PIEZO2: variants seen among roughly 807,000 people sequenced by gnomAD.
The protein encoded by PIEZO2 is piezo-type mechanosensitive ion channel component 2.
Under a neutral mutation model 337.3 loss-of-function variants are expected in PIEZO2, and 172 were observed. The observed-to-expected ratio is 0.51, with a 90% CI of 0.45 to 0.58. PIEZO2 has a LOEUF of 0.58. Among genes scored for constraint, PIEZO2 ranks in the 20% least tolerant of loss-of-function variants. The pLI is 0.00. For synonymous variants in PIEZO2, 1,251 were observed against 1,228.5 expected (o/e 1.02, Z -0.38); for missense variants, 3,028 against 3,391.3 (o/e 0.89, Z 2.66).
rs141859807 is a variant in PIEZO2, at chr18:10,688,103, A to G, written c.7497+1552T>C. Reference sequence around the variant, plus strand: ...TGCTGCACCTATCAATGCATCATCTAGGTTTTAAGCCCCCCATGCGTTAGG... The same window carrying G: ...TGCTGCACCTATCAATGCATCATCTGGGTTTTAAGCCCCCCATGCGTTAGG... On this transcript the variant is annotated intron_variant, in intron 49 of 55. Transcript: ENST00000674853. Among the ~76,000 whole-genome samples, 1,137 of 152,228 alleles carry G rather than the reference A, an allele frequency of 7.5e-3. 14 individuals carry two copies. Among genetic ancestry groups the G allele is most frequent in the African/African-American group, 0.026 (1,074 of 41,518 alleles).
At chr18:10,807,799 G>T (rs1426491622) in intron 7 of PIEZO2, among the ~76,000 whole-genome samples, 1 of 152,094 alleles carries the variant, frequency 6.6e-6, no homozygotes, top group Non-Finnish European at 1.5e-5. Context: ...ATTTCTGTAA[G>T]ATATATTTCT....
Position 10,819,939 on chromosome 18 carries a change from C to T in PIEZO2, c.918-12665G>A, listed in dbSNP as rs2040474713. 6.6e-6 allele frequency among the ~76,000 whole-genome samples: 1 copy of T among 152,164 alleles called. No homozygotes were observed. Among genetic ancestry groups the T allele is most frequent in the Non-Finnish European group, 1.5e-5 (1 of 68,018 alleles). On this transcript the variant is annotated intron_variant, in intron 7 of 55. Coordinates refer to ENST00000674853, the MANE Select transcript of PIEZO2 (RefSeq NM_001378183.1). This position sits in a 1 kb window ranked among gnomAD's most constrained non-coding sequence, Gnocchi z 4.3. The stretch of plus-strand genomic sequence containing the variant: ...TTTCTTCTACCTACATTCTCAGATA[C>T]AGAATTATAGGTTCATAGTTTTTTT...
At chr18:11,068,986 C>G (rs775299233) in intron 1 of PIEZO2, among the ~76,000 whole-genome samples, 30 of 151,910 alleles carry the variant, frequency 2.0e-4, no homozygotes, top group Admixed American at 1.2e-3. Context: ...AATAAAAAAT[C>G]TGAGCAGACT....
rs1361584612 is a variant in PIEZO2 at position 10,736,492 on chromosome 18, T to G, written c.4815+112A>C. The G allele has an allele frequency of 4.3e-6, 6 of 1,399,824 alleles. No homozygotes were observed. The African/African-American group carries it at 8.7e-5, about 20-fold the overall frequency. The allele number at this position is 1,399,824 out of a possible 1,614,324, so 86.7% of individuals were successfully genotyped here. ...GAATTGCAGATGTAAATCAGAAGCT[T>G]CGGGGAGCTATGACATATGAATATT... On this transcript the variant is annotated intron_variant, in intron 34 of 55. Coordinates refer to ENST00000674853, the MANE Select transcript of PIEZO2 (RefSeq NM_001378183.1).
rs1433248859 is a variant in PIEZO2 at position 10,894,411 on chromosome 18, C to G, written c.329+16775G>C. 6.6e-6 allele frequency: 1 copy of G among 152,084 alleles called. No individual in the cohort carries two copies. Among genetic ancestry groups the G allele is most frequent in the Non-Finnish European group, 1.5e-5 (1 of 68,036 alleles). 9.4% of individuals were successfully genotyped at this position (152,084 alleles called of 1,614,324 possible). ...GGAGCTGGCAGTGAGCTGAGATCAC[C>G]CCACTTAACTCCAGCCTGGGCAATA... On this transcript the variant is annotated intron_variant, in intron 4 of 55. Coordinates refer to ENST00000674853, the MANE Select transcript of PIEZO2 (RefSeq NM_001378183.1). The surrounding 1 kb of genome is among the most constrained non-coding windows in gnomAD (Gnocchi z 4.1).
intron 2 of PIEZO2, among the ~76,000 whole-genome samples, chr18:11,013,010 C>G (rs970375363): frequency 6.6e-6 from 1 of 152,120 alleles, no homozygotes; most frequent in African/African-American, 2.4e-5. Context: ...CACTACCACA[C>G]TCCACCCTGG....
chr18:11,060,633 A>T (rs1049452730), intron 2 of PIEZO2, among the ~76,000 whole-genome samples: 1 of 152,260 alleles, frequency 6.6e-6, no homozygotes, highest in Non-Finnish European at 1.5e-5. Context: ...AAACACCTCT[A>T]TGCAAATAAA....
At chr18:10,965,981 G>A (rs187154549) in intron 3 of PIEZO2, among the ~76,000 whole-genome samples, 7 of 152,254 alleles carry the variant, frequency 4.6e-5, no homozygotes, top group East Asian at 3.9e-4. Flanking sequence ...ACAGATTCCC[G>A]TAAATGTTTG....
At chr18:11,045,205 C>T (rs2037259693) in intron 2 of PIEZO2, among the ~76,000 whole-genome samples, 1 of 134,458 alleles carries the variant, frequency 7.4e-6, no homozygotes, top group Admixed American at 9.1e-5. Context: ...GCTGAGGCAG[C>T]AAGTAGAATG....
intron 3 of PIEZO2, among the ~76,000 whole-genome samples, chr18:10,967,018 G>GTTTTTTTTT (rs1281379698): frequency 1.6e-5 from 2 of 122,858 alleles, no homozygotes; most frequent in Non-Finnish European, 3.2e-5. Flanking sequence ...TCTGTTTTTT[G>GTTTTTTTTT]TTTTTTTTTT....
At chr18:10,762,390 T>A in intron 23 of PIEZO2, 110 bp downstream of exon 23, 1 of 1,326,246 alleles carries the variant, frequency 7.5e-7, no homozygotes, top group South Asian at 1.5e-5. Flanking sequence ...AAATCCCACA[T>A]GAGAAGATAT....
At chr18:10,809,183 T>A (rs72988007) in intron 7 of PIEZO2, among the ~76,000 whole-genome samples, 4,136 of 151,814 alleles carry the variant, frequency 0.027, 77 homozygotes, top group Non-Finnish European at 0.041. Flanking sequence ...CAGTAGCAGA[T>A]TGTTGTCTCC....
intron 1 of PIEZO2, among the ~76,000 whole-genome samples, chr18:11,142,339 T>C (rs1268396723): frequency 6.6e-6 from 1 of 152,246 alleles, no homozygotes; most frequent in Non-Finnish European, 1.5e-5. Context: ...TATGAAATTA[T>C]TAGACACTGT....
chr18:10,968,645 T>G (rs1441072263), intron 3 of PIEZO2, among the ~76,000 whole-genome samples: 3 of 146,536 alleles, frequency 2.0e-5, no homozygotes, highest in East Asian at 1.9e-4. Context: ...AGAAAAAATA[T>G]TTAAAACAAT....
Position 10,726,672 on chromosome 18 carries a change from G to T in PIEZO2, c.5029+4735C>A. ...AGCGCGGCCAGACAGACACCTCGCT[G>T]CCAAGTTAATTCAGCAAGGACCAGG... is the stretch of plus-strand genomic sequence containing the variant. On this transcript the variant is annotated intron_variant, in intron 36 of 55. Transcript: ENST00000674853. The surrounding 1 kb of genome is among the most constrained non-coding windows in gnomAD (Gnocchi z 5.9). 1 of 1,429,514 alleles carries T rather than the reference G, an allele frequency of 7.0e-7. No individual in the cohort carries two copies. Among genetic ancestry groups the T allele is most frequent in the Non-Finnish European group, 9.6e-7 (1 of 1,040,746 alleles). 88.6% of individuals were successfully genotyped at this position (1,429,514 alleles called of 1,614,324 possible).
chr18:11,069,156 G>T lies in PIEZO2; in HGVS notation c.65-2934C>A, dbSNP rs991873389. On this transcript the variant is annotated intron_variant, in intron 1 of 55. Transcript: ENST00000674853. This position sits in a 1 kb window ranked among gnomAD's most constrained non-coding sequence, Gnocchi z 4.9. ...TCTTCCAAGAAAATTAAAGAAGAGG[G>T]AATACTTGCAAAGTCATCCTATGTG... 2.6e-5 allele frequency among the ~76,000 whole-genome samples: 4 copies of T among 152,108 alleles called. No homozygotes were observed. Among genetic ancestry groups the T allele is most frequent in the Non-Finnish European group, 4.4e-5 (3 of 68,024 alleles).
chr18:10,983,566 G>A lies in PIEZO2; in HGVS notation c.161-3906C>T, dbSNP rs1314595657. Among the ~76,000 whole-genome samples the A allele has an allele frequency of 3.3e-5, 5 of 152,184 alleles. 1 individual carries two copies. The South Asian group carries it at 1.0e-3, about 32-fold the overall frequency. Reference sequence around the variant, plus strand: ...GGAATAAGCCTAGGAGCAGGGAGAAGAGAGTGCACAACAACTGGTGTCCAA... The same window carrying A: ...GGAATAAGCCTAGGAGCAGGGAGAAAAGAGTGCACAACAACTGGTGTCCAA... On this transcript the variant is annotated intron_variant, in intron 2 of 55. Coordinates refer to ENST00000674853, the MANE Select transcript of PIEZO2 (RefSeq NM_001378183.1).
intron 3 of PIEZO2, among the ~76,000 whole-genome samples, chr18:10,936,126 A>G (rs1447770646): frequency 6.6e-6 from 1 of 152,192 alleles, no homozygotes; most frequent in East Asian, 1.9e-4. Context: ...GATCACTATT[A>G]GGGCTGTGAG....
intron 3 of PIEZO2, among the ~76,000 whole-genome samples, chr18:10,937,698 T>C (rs2032482691): frequency 6.6e-6 from 1 of 152,154 alleles, no homozygotes; most frequent in Admixed American, 6.5e-5. Flanking sequence ...CTCCCAAATT[T>C]TGGGAATTTT....
Sources: allele counts gnomAD v4.1 joint callset (sites outside exome capture counted in the v4.1 genomes callset), GRCh38; gene constraint gnomAD v4.1.1; non-coding constraint Gnocchi (gnomAD v3.1); transcripts MANE v1.5; gene names NCBI Gene and HGNC (gene_info 2026-07-23, HGNC 2026-07-21).